The following VAMP2 variants were observed in gnomAD, a reference collection of about 807,000 sequenced individuals.
The protein encoded by VAMP2 is vesicle-associated membrane protein 2.
For synonymous variants in VAMP2, 67 were observed against 57.3 expected (o/e 1.17, Z -0.76); for missense variants, 95 against 151.3 (o/e 0.63, Z 1.95).
At position 8,162,904 on chromosome 17, in the gene VAMP2, T is replaced by TGGCAGCGGCAGTGATGGC; in HGVS notation, c.-43_-26dup. The TGGCAGCGGCAGTGATGGC allele has an allele frequency of 1.7e-6, 2 of 1,209,916 alleles. No individual in the cohort carries two copies. The highest frequency in any genetic ancestry group is 2.1e-6 in the Non-Finnish European group (2 of 973,874). 74.9% of individuals were successfully genotyped at this position (1,209,916 alleles called of 1,614,324 possible). ...TGGCGGGGGCAGCGGGTGGAGGACT[T>TGGCAGCGGCAGTGATGGC]GGCAGCGGCAGTGATGGCGGCGGCG... On this transcript the variant is annotated 5_prime_UTR_variant, in exon 1 of 5. Coordinates refer to ENST00000316509, the MANE Select transcript of VAMP2 (RefSeq NM_014232.3).
chr17:8,160,844 T>G lies in VAMP2; in HGVS notation c.*11A>C. 6.2e-7 allele frequency: 1 copy of G among 1,609,480 alleles called. No individual in the cohort carries two copies. Among genetic ancestry groups the G allele is most frequent in the Non-Finnish European group, 8.5e-7 (1 of 1,177,718 alleles). On this transcript the variant is annotated 3_prime_UTR_variant, in exon 5 of 5. Transcript: ENST00000316509. ...AGGCCCTTCTCTAGGCAGGGCAGAC[T>G]CCTCGGGGATTTAAGTGCTGAAGTA...
rs1223385879 is a variant in VAMP2 at position 8,159,164 on chromosome 17, C to T, written c.*1691G>A. On this transcript the variant is annotated 3_prime_UTR_variant, in exon 5 of 5. Transcript: ENST00000316509. ...AGACAACACCTGGTTACTCATTACA[C>T]ATTTATTGTACATTTTCACAATCTG... 1 of 141,962 alleles carries T rather than the reference C, an allele frequency of 7.0e-6. No homozygotes were observed. Among genetic ancestry groups the T allele is most frequent in the Non-Finnish European group, 1.5e-5 (1 of 65,798 alleles). The allele number at this position is 141,962 out of a possible 1,614,324, so 8.8% of individuals were successfully genotyped here.
At chr17:8,161,843 C>A in intron 2 of VAMP2, 77 bp from the exon 3 acceptor site, 1 of 1,560,318 alleles carries the variant, frequency 6.4e-7, no homozygotes, top group East Asian at 2.3e-5. Flanking sequence ...CATGTGCCCA[C>A]CGTGCCACAC....
intron 4 of VAMP2, chr17:8,161,146 T>G: frequency 1.8e-6 from 1 of 555,766 alleles, no homozygotes; most frequent in South Asian, 2.4e-5. Context: ...GGTGGTTGGC[T>G]TCCTGGTCAT....
At position 8,161,370 on chromosome 17, in the gene VAMP2, T is replaced by C; in HGVS notation, c.334+103A>G. 2.0e-6 allele frequency: 3 copies of C among 1,489,038 alleles called. No homozygotes were observed. The South Asian group carries it at 3.8e-5, about 19-fold the overall frequency. 92.2% of individuals were successfully genotyped at this position (1,489,038 alleles called of 1,614,324 possible). A position where few individuals can be genotyped will look rare whatever the true frequency, so the allele number is the denominator to read the frequency against. On this transcript the variant is annotated intron_variant, in intron 4 of 4. Coordinates refer to ENST00000316509, the MANE Select transcript of VAMP2 (RefSeq NM_014232.3). The stretch of plus-strand genomic sequence containing the variant: ...AATTGCCATTAGCAGCTATATGTGT[T>C]TTTGGCTGAAGAGTAAAAACTAGAT...
At position 8,160,131 on chromosome 17, in the gene VAMP2, C is replaced by T. The variant is rs1446755202; in HGVS notation, c.*724G>A. On this transcript the variant is annotated 3_prime_UTR_variant, in exon 5 of 5. Transcript: ENST00000316509. ...GCTCCCCACCACCTGCGAGTAATGTCGTGCAAATGAAAATGTGATACAAGA... is the reference window on the plus strand; with the variant it reads ...GCTCCCCACCACCTGCGAGTAATGTTGTGCAAATGAAAATGTGATACAAGA... 3 of 152,068 alleles carry T rather than the reference C, an allele frequency of 2.0e-5. No individual in the cohort carries two copies. Among genetic ancestry groups the T allele is most frequent in the Non-Finnish European group, 4.4e-5 (3 of 68,002 alleles). 9.4% of individuals were successfully genotyped at this position (152,068 alleles called of 1,614,324 possible).
At position 8,160,116 on chromosome 17, in the gene VAMP2, A is replaced by G. The variant is rs1427597858; in HGVS notation, c.*739T>C. 6.6e-6 allele frequency: 1 copy of G among 152,296 alleles called. No individual in the cohort carries two copies. Among genetic ancestry groups the G allele is most frequent in the Admixed American group, 6.6e-5 (1 of 15,262 alleles). The allele number at this position is 152,296 out of a possible 1,614,324, so 9.4% of individuals were successfully genotyped here. ...TCCCCAAAAGCCCAGGCTCCCCACC[A>G]CCTGCGAGTAATGTCGTGCAAATGA... On this transcript the variant is annotated 3_prime_UTR_variant, in exon 5 of 5. Coordinates refer to ENST00000316509, the MANE Select transcript of VAMP2 (RefSeq NM_014232.3).
Position 8,160,753 on chromosome 17 carries a change from G to A in VAMP2, c.*102C>T. 1 of 1,300,568 alleles carries A rather than the reference G, an allele frequency of 7.7e-7. No individual in the cohort carries two copies. The highest frequency in any genetic ancestry group is 1.4e-5 in the South Asian group (1 of 71,544). 80.6% of individuals were successfully genotyped at this position (1,300,568 alleles called of 1,614,324 possible). On this transcript the variant is annotated 3_prime_UTR_variant, in exon 5 of 5. Coordinates refer to ENST00000316509, the MANE Select transcript of VAMP2 (RefSeq NM_014232.3). Reference sequence around the variant, plus strand: ...ACACACACGGACACACACACACACGGATCCAGGGGAGTGGGGGCTGAAAGA... The same window carrying A: ...ACACACACGGACACACACACACACGAATCCAGGGGAGTGGGGGCTGAAAGA...
At chr17:8,161,353 T>C in intron 4 of VAMP2, 120 bp downstream of exon 4, 1 of 1,377,800 alleles carries the variant, frequency 7.3e-7, no homozygotes, top group South Asian at 1.4e-5. Context: ...AGAATTGCCA[T>C]TAGCAGCTAT....
Position 8,160,377 on chromosome 17 carries a change from G to A in VAMP2, c.*478C>T, listed in dbSNP as rs1238758094. Reference sequence around the variant, plus strand: ...ACCTAAGGAAGCCTGGACAGGTGCTGTTGTTTTTTTTTTTTTTTTTTTTTT... The same window carrying A: ...ACCTAAGGAAGCCTGGACAGGTGCTATTGTTTTTTTTTTTTTTTTTTTTTT... On this transcript the variant is annotated 3_prime_UTR_variant, in exon 5 of 5. Transcript: ENST00000316509. 2.5e-5 allele frequency: 1 copy of A among 39,474 alleles called. No homozygotes were observed. Among genetic ancestry groups the A allele is most frequent in the African/African-American group, 9.1e-5 (1 of 10,980 alleles). The allele number at this position is 39,474 out of a possible 1,614,324, so 2.4% of individuals were successfully genotyped here.
intron 1 of VAMP2, chr17:8,162,660 G>A (rs142488375): frequency 1.7e-4 from 241 of 1,389,566 alleles, no homozygotes; most frequent in Admixed American, 3.2e-4. Context: ...GCGGGGAGGG[G>A]CAGGAGGACA....
At position 8,161,630 on chromosome 17, in the gene VAMP2, T is replaced by C; in HGVS notation, c.260A>G (p.Lys87Arg). Residue 87 changes from lysine to arginine, a missense_variant, in exon 3 of 5, where the codon AAA becomes AGA. Coordinates refer to ENST00000316509, the MANE Select transcript of VAMP2 (RefSeq NM_014232.3). ...TACCTTGAGGTTTTTCCACCAGTAT[T>C]TGCGCTTGAGCTTGGCTGCGCTTGT... ...FETSAAKLKR[K>R]YWWKNLKMMI... 1 of 1,614,164 alleles carries C rather than the reference T, an allele frequency of 6.2e-7. No homozygotes were observed. Among genetic ancestry groups the C allele is most frequent in the Non-Finnish European group, 8.5e-7 (1 of 1,180,008 alleles).
chr17:8,160,377 GTTGTTTTT>G lies in VAMP2; in HGVS notation c.*470_*477del, dbSNP rs1377288809. 2.5e-5 allele frequency: 1 copy of G among 39,474 alleles called. No individual in the cohort carries two copies. The highest frequency in any genetic ancestry group is 5.4e-5 in the Non-Finnish European group (1 of 18,524). The allele number at this position is 39,474 out of a possible 1,614,324, so 2.4% of individuals were successfully genotyped here. A position where few individuals can be genotyped will look rare whatever the true frequency, so the allele number is the denominator to read the frequency against. On this transcript the variant is annotated 3_prime_UTR_variant, in exon 5 of 5. Transcript: ENST00000316509. ...ACCTAAGGAAGCCTGGACAGGTGCT[GTTGTTTTT>G]TTTTTTTTTTTTTTTTTTTTGAGGG... is the stretch of plus-strand genomic sequence containing the variant.
intron 1 of VAMP2, 183 bp from the exon 2 acceptor site, chr17:8,162,552 G>C (rs1983349287): frequency 6.8e-7 from 1 of 1,467,030 alleles, no homozygotes; most frequent in African/African-American, 1.4e-5. Flanking sequence ...CCTTGAGCGA[G>C]GCCCCCCCGG....
At position 8,161,205 on chromosome 17, in the gene VAMP2, T is replaced by C. The variant is rs1267564589; in HGVS notation, c.334+268A>G. ...TTTCTCCCACTCCTCAATTCCAGGG[T>C]TCTCAGACTGGGCTCTTAGGCCTAA... is the stretch of plus-strand genomic sequence containing the variant. On this transcript the variant is annotated intron_variant, in intron 4 of 4. Coordinates refer to ENST00000316509, the MANE Select transcript of VAMP2 (RefSeq NM_014232.3). The C allele has an allele frequency of 5.2e-6, 3 of 579,698 alleles. No individual in the cohort carries two copies. The South Asian group carries it at 6.6e-5, about 13-fold the overall frequency. The allele number at this position is 579,698 out of a possible 1,614,324, so 35.9% of individuals were successfully genotyped here. A position where few individuals can be genotyped will look rare whatever the true frequency, so the allele number is the denominator to read the frequency against.
Position 8,159,807 on chromosome 17 carries a change from C to T in VAMP2, c.*1048G>A, listed in dbSNP as rs1033107869. Reference sequence around the variant, plus strand: ...CAAGAGATCAATTGTGGCCAACCCCCAACTCTCCTGGTGGGAGGAGGAGGT... The same window carrying T: ...CAAGAGATCAATTGTGGCCAACCCCTAACTCTCCTGGTGGGAGGAGGAGGT... On this transcript the variant is annotated 3_prime_UTR_variant, in exon 5 of 5. Coordinates refer to ENST00000316509, the MANE Select transcript of VAMP2 (RefSeq NM_014232.3). 6.5e-6 allele frequency: 1 copy of T among 152,708 alleles called. No homozygotes were observed. The highest frequency in any genetic ancestry group is 2.4e-5 in the African/African-American group (1 of 41,410). 9.5% of individuals were successfully genotyped at this position (152,708 alleles called of 1,614,324 possible).
At chr17:8,162,008 G>A (rs758979679) in intron 2 of VAMP2, among the ~76,000 whole-genome samples, 28 of 152,130 alleles carry the variant, frequency 1.8e-4, no homozygotes, top group South Asian at 2.1e-4. Flanking sequence ...AACCTCAGGC[G>A]CTCTGTCCAT....
chr17:8,162,545 T>C (rs1462997840), intron 1 of VAMP2, 176 bp from the exon 2 acceptor site: 5 of 1,484,332 alleles, frequency 3.4e-6, no homozygotes, highest in Non-Finnish European at 4.5e-6. Context: ...TGCGTGACCT[T>C]GAGCGAGGCC....
chr17:8,162,937 C>T lies in VAMP2; in HGVS notation c.-58G>A, dbSNP rs566761247. On this transcript the variant is annotated 5_prime_UTR_variant, in exon 1 of 5. Coordinates refer to ENST00000316509, the MANE Select transcript of VAMP2 (RefSeq NM_014232.3). ...GCAGTGATGGCGGCGGCGGCTCGCG[C>T]TGGCTCCGACTGGCGCTGGCTGCCC... The T allele has an allele frequency of 8.3e-7, 1 of 1,200,920 alleles. No individual in the cohort carries two copies. Among genetic ancestry groups the T allele is most frequent in the Non-Finnish European group, 1.0e-6 (1 of 968,144 alleles). 74.4% of individuals were successfully genotyped at this position (1,200,920 alleles called of 1,614,324 possible).
Sources: allele counts gnomAD v4.1 joint callset (sites outside exome capture counted in the v4.1 genomes callset), GRCh38; gene constraint gnomAD v4.1.1; transcripts MANE v1.5; gene names NCBI Gene and HGNC (gene_info 2026-07-23, HGNC 2026-07-21).